PCYT1A: variants seen among roughly 807,000 people sequenced by gnomAD.
The protein encoded by PCYT1A is phosphate cytidylyltransferase 1A, choline.
A neutral mutation model predicts 43.7 loss-of-function variants in PCYT1A; 25 were observed. The ratio of observed to expected loss-of-function variants is 0.57; its 90% CI spans 0.42 to 0.80. The LOEUF is 0.80. PCYT1A is among the 30% of genes least tolerant of loss of function. The pLI, the probability that PCYT1A is intolerant of heterozygous loss-of-function variation, is 0.00. For missense variants in PCYT1A, 421 were observed against 474.2 expected (o/e 0.89, Z 1.04); for synonymous variants, 172 against 170.7 (o/e 1.01, Z -0.06).
At position 196,238,787 on chromosome 3, in the gene PCYT1A, T is replaced by A; in HGVS notation, c.1005A>T (p.Arg335=). ...TRERSPSPSF[R]WPFSGKTSPP... ...GGGAAGTCTTGCCGGAGAAGGGCCATCGGAAAGAGGGGGAGGGGGAGCGCT... is the reference window on the plus strand; with the variant it reads ...GGGAAGTCTTGCCGGAGAAGGGCCAACGGAAAGAGGGGGAGGGGGAGCGCT... The change falls in exon 9 of 9, where the codon CGA becomes CGT. Residue 335 remains arginine (R), a synonymous_variant. Coordinates refer to ENST00000431016, the MANE Select transcript of PCYT1A (RefSeq NM_001312673.2). 1 of 1,586,742 alleles carries A rather than the reference T, an allele frequency of 6.3e-7. No homozygotes were observed. The highest frequency in any genetic ancestry group is 8.6e-7 in the Non-Finnish European group (1 of 1,167,490).
At chr3:196,253,860 CCT>C (rs1158160324) in intron 3 of PCYT1A, among the ~76,000 whole-genome samples, 1 of 151,528 alleles carries the variant, frequency 6.6e-6, no homozygotes, top group Non-Finnish European at 1.5e-5. Flanking sequence ...TAAACACACC[CCT>C]GATTTAATGT....
chr3:196,276,603 A>C (rs996308179), intron 1 of PCYT1A, among the ~76,000 whole-genome samples: 1 of 151,960 alleles, frequency 6.6e-6, no homozygotes, highest in Non-Finnish European at 1.5e-5. Flanking sequence ...ACTCCGTCTC[A>C]AAAAATGAAA....
In PCYT1A at chr3:196,268,551, G is replaced by A. The variant is rs1047378392; in HGVS notation, c.117+1864C>T. Among the ~76,000 whole-genome samples, 20 of 152,158 alleles carry A rather than the reference G, an allele frequency of 1.3e-4. No homozygotes were observed. In the South Asian group the frequency reaches 1.5e-3, roughly 11 times the overall value. ...GGTAATCCTAGCACTCTGGGAGGCC[G>A]AGATAGGAAGACTACTTGAGCTCAG... On this transcript the variant is annotated intron_variant, in intron 2 of 8. Coordinates refer to ENST00000431016, the MANE Select transcript of PCYT1A (RefSeq NM_001312673.2). The surrounding 1 kb of genome is among the most constrained non-coding windows in gnomAD (Gnocchi z 4.4).
chr3:196,283,909 C>A (rs147196577), intron 1 of PCYT1A, among the ~76,000 whole-genome samples: 7 of 152,268 alleles, frequency 4.6e-5, no homozygotes, highest in African/African-American at 7.2e-5. Flanking sequence ...CAGCCACAAT[C>A]TTGAGCAAAA....
rs1430530468 is a variant in PCYT1A at position 196,239,928 on chromosome 3, A to C, written c.709-193T>G. 5.4e-6 allele frequency: 3 copies of C among 556,774 alleles called. No homozygotes were observed. The East Asian group carries it at 8.4e-5, about 16-fold the overall frequency. 34.5% of individuals were successfully genotyped at this position (556,774 alleles called of 1,614,324 possible). ...TGTGGATGCACACACAAGAAGTGGT[A>C]ATTCTAATATTGTGGGCATTTGGGA... On this transcript the variant is annotated intron_variant, in intron 7 of 8. Transcript: ENST00000431016.
intron 1 of PCYT1A, among the ~76,000 whole-genome samples, chr3:196,280,977 A>G (rs1046945173): frequency 6.6e-6 from 1 of 152,216 alleles, no homozygotes; most frequent in African/African-American, 2.4e-5. Context: ...AAACTTGACC[A>G]ATTACTACAA....
In PCYT1A at chr3:196,265,241, T is replaced by G. The variant is rs192444570; in HGVS notation, c.117+5174A>C. Among the ~76,000 whole-genome samples the G allele has an allele frequency of 2.6e-5, 4 of 151,960 alleles. No individual in the cohort carries two copies. The East Asian group carries it at 7.7e-4, about 29-fold the overall frequency. ...ACCATGCCCAGCTAATTTTTTTTTG[T>G]ATTTTTAGTAGAAACGGGGTTTCGC... On this transcript the variant is annotated intron_variant, in intron 2 of 8. Transcript: ENST00000431016.
intron 2 of PCYT1A, among the ~76,000 whole-genome samples, chr3:196,259,575 A>G (rs2108772695): frequency 6.6e-6 from 1 of 152,088 alleles, no homozygotes; most frequent in East Asian, 1.9e-4. Flanking sequence ...CAGGTGCAGT[A>G]GCTCATGCCT....
chr3:196,274,305 C>A (rs1199964312), intron 1 of PCYT1A, among the ~76,000 whole-genome samples: 1 of 152,238 alleles, frequency 6.6e-6, no homozygotes, highest in Non-Finnish European at 1.5e-5. Context: ...AGGGCTTCCA[C>A]CTACTCCCAG....
chr3:196,253,060 G>T (rs112186985), intron 3 of PCYT1A, among the ~76,000 whole-genome samples: 2 of 151,864 alleles, frequency 1.3e-5, no homozygotes, highest in Non-Finnish European at 2.9e-5. Flanking sequence ...TTTTTGGGCC[G>T]GGCACAGTGG....
chr3:196,263,789 C>T (rs1032494806), intron 2 of PCYT1A, among the ~76,000 whole-genome samples: 3 of 152,068 alleles, frequency 2.0e-5, no homozygotes, highest in Non-Finnish European at 2.9e-5. Flanking sequence ...CCCACCACCA[C>T]GCCCGGCTAA....
intron 2 of PCYT1A, among the ~76,000 whole-genome samples, chr3:196,265,863 T>G (rs1345178735): frequency 6.6e-6 from 1 of 151,964 alleles, no homozygotes; most frequent in Non-Finnish European, 1.5e-5. Context: ...TTCAGCCTCC[T>G]GAGTAGCTGG....
chr3:196,247,038 G>A lies in PCYT1A; in HGVS notation c.486+329C>T, dbSNP rs940810827. Among the ~76,000 whole-genome samples, 3 of 152,056 alleles carry A rather than the reference G, an allele frequency of 2.0e-5. No homozygotes were observed. The highest frequency in any genetic ancestry group is 2.0e-4 in the Admixed American group (3 of 15,254). The stretch of plus-strand genomic sequence containing the variant: ...TAACTTGTGGCGAGTTCAGTTCCCA[G>A]CCCTGCCAATGGTGTAACTTGGAGC... On this transcript the variant is annotated intron_variant, in intron 5 of 8. Transcript: ENST00000431016. This position sits in a 1 kb window ranked among gnomAD's most constrained non-coding sequence, Gnocchi z 4.8.
intron 1 of PCYT1A, among the ~76,000 whole-genome samples, chr3:196,271,161 A>C (rs1725419683): frequency 6.6e-6 from 1 of 150,994 alleles, no homozygotes; most frequent in South Asian, 2.1e-4. Context: ...AGTAGTTGGG[A>C]CTACAGGCAC....
In PCYT1A at chr3:196,247,245, C is replaced by A. The variant is rs566915405; in HGVS notation, c.486+122G>T. On this transcript the variant is annotated intron_variant, in intron 5 of 8. Coordinates refer to ENST00000431016, the MANE Select transcript of PCYT1A (RefSeq NM_001312673.2). The surrounding 1 kb of genome is among the most constrained non-coding windows in gnomAD (Gnocchi z 4.8). ...CTAGTAATATCACTGTCATCTCCTA[C>A]GAAACTTACATAAGAGGTAGAAGTA... 6 of 996,112 alleles carry A rather than the reference C, an allele frequency of 6.0e-6. No individual in the cohort carries two copies. Among genetic ancestry groups the A allele is most frequent in the Admixed American group, 3.9e-5 (2 of 51,416 alleles). 61.7% of individuals were successfully genotyped at this position (996,112 alleles called of 1,614,324 possible). A position where few individuals can be genotyped will look rare whatever the true frequency, so the allele number is the denominator to read the frequency against.
In PCYT1A at chr3:196,238,447, G is replaced by GT. The variant is rs1490867912; in HGVS notation, c.*240_*241insA. ...ATAAACAGTGAAACAAAGCCCTTGG[G>GT]GGGGGGTAAATGGATGCAGAGCAGG... On this transcript the variant is annotated 3_prime_UTR_variant, in exon 9 of 9. Coordinates refer to ENST00000431016, the MANE Select transcript of PCYT1A (RefSeq NM_001312673.2). 2.2e-5 allele frequency: 8 copies of GT among 357,630 alleles called. No individual in the cohort carries two copies. The highest frequency in any genetic ancestry group is 4.0e-5 in the Non-Finnish European group (8 of 199,310). 22.2% of individuals were successfully genotyped at this position (357,630 alleles called of 1,614,324 possible). A position where few individuals can be genotyped will look rare whatever the true frequency, so the allele number is the denominator to read the frequency against.
intron 1 of PCYT1A, among the ~76,000 whole-genome samples, chr3:196,276,135 C>A (rs900577874): frequency 1.3e-4 from 20 of 150,662 alleles, no homozygotes; most frequent in African/African-American, 4.6e-4. Context: ...AATAATAATG[C>A]ATTTTATATT....
At chr3:196,239,440 G>C in intron 8 of PCYT1A, 107 bp downstream of exon 8, 1 of 680,114 alleles carries the variant, frequency 1.5e-6, no homozygotes, top group Non-Finnish European at 2.6e-6. Flanking sequence ...CAGATAAGGG[G>C]ATAGACTAGA....
chr3:196,285,605 C>T (rs1725888139), intron 1 of PCYT1A, among the ~76,000 whole-genome samples: 1 of 152,226 alleles, frequency 6.6e-6, no homozygotes, highest in South Asian at 2.1e-4. Context: ...GCTTCATTTA[C>T]ATTACCCATA....
Sources: allele counts gnomAD v4.1 joint callset (sites outside exome capture counted in the v4.1 genomes callset), GRCh38; gene constraint gnomAD v4.1.1; non-coding constraint Gnocchi (gnomAD v3.1); transcripts MANE v1.5; gene names NCBI Gene and HGNC (gene_info 2026-07-23, HGNC 2026-07-21).